Variants in SCIN observed in about 807,000 individuals in gnomAD.
The protein encoded by SCIN is adseverin.
SCIN carries 91 observed loss-of-function variants against 91.8 expected under a neutral mutation model. The observed-to-expected ratio is 0.99, with a 90% CI of 0.84 to 1.18. The LOEUF (loss-of-function observed/expected upper bound fraction) is 1.18, where lower values mean the gene tolerates loss of function less well. Among genes scored for constraint, SCIN ranks in the 50% most tolerant of loss-of-function variants. The probability of loss-of-function intolerance (pLI) is 0.00; values close to 1 mark genes in which losing one functional copy is unlikely to be tolerated. For synonymous variants in SCIN, 367 were observed against 312.6 expected (o/e 1.17, Z -1.84); for missense variants, 1,087 against 863.9 (o/e 1.26, Z -3.24).
At chr7:12,585,637 C>G (rs1044988905) in intron 3 of SCIN, among the ~76,000 whole-genome samples, 2 of 152,204 alleles carry the variant, frequency 1.3e-5, no homozygotes, top group African/African-American at 4.8e-5. Flanking sequence ...ACCACTCACT[C>G]AGGATTTCAA....
chr7:12,578,842 T>A (rs1215630464), intron 2 of SCIN, among the ~76,000 whole-genome samples: 1 of 150,408 alleles, frequency 6.6e-6, no homozygotes, highest in African/African-American at 2.5e-5. Flanking sequence ...GCTTTACTTC[T>A]GAAAATAAAC....
Position 12,657,317 on chromosome 7 carries a change from A to G in SCIN, c.*4602A>G, listed in dbSNP as rs1043693073. The G allele has an allele frequency of 1.1e-4, 16 of 144,730 alleles. No homozygotes were observed. Among genetic ancestry groups the G allele is most frequent in the African/African-American group, 4.0e-4 (16 of 39,592 alleles). The allele number at this position is 144,730 out of a possible 1,614,324, so 9.0% of individuals were successfully genotyped here. A position where few individuals can be genotyped will look rare whatever the true frequency, so the allele number is the denominator to read the frequency against. ...CTGCAATCTCTGCCTCCTGGGTTCAAGCAATCCTCCCACCTCAGTCTCCCC... is the reference window on the plus strand; with the variant it reads ...CTGCAATCTCTGCCTCCTGGGTTCAGGCAATCCTCCCACCTCAGTCTCCCC... On this transcript the variant is annotated 3_prime_UTR_variant, in exon 16 of 16. Coordinates refer to ENST00000297029, the MANE Select transcript of SCIN (RefSeq NM_001112706.3).
In SCIN at chr7:12,581,091, T is replaced by G. The variant is rs750207463; in HGVS notation, c.386T>G (p.Val129Gly). 5.2e-5 allele frequency: 81 copies of G among 1,551,214 alleles called. No homozygotes were observed. The highest frequency in any genetic ancestry group is 6.9e-5 in the Non-Finnish European group (79 of 1,146,758). ...AGGVASGLNH[V>G]LTNDLTAKRL... ...GGCGTGGCATCTGGATTAAATCATG[T>G]TCTTACGAACGACCTGACAGCCAAG... Residue 129 changes from valine to glycine, a missense_variant, in exon 3 of 16, where the codon GTT (valine) becomes GGT (glycine). Val to Gly is a moderately radical substitution (Grantham distance 109, BLOSUM62 -3). Transcript: ENST00000297029.
intron 4 of SCIN, among the ~76,000 whole-genome samples, chr7:12,606,906 T>G (rs1197592262): frequency 1.3e-5 from 2 of 152,240 alleles, no homozygotes; most frequent in Non-Finnish European, 2.9e-5. Context: ...AACAAATTCT[T>G]GATCTTTTAA....
At chr7:12,600,425 C>G (rs1782934765) in intron 3 of SCIN, among the ~76,000 whole-genome samples, 2 of 152,064 alleles carry the variant, frequency 1.3e-5, no homozygotes, top group African/African-American at 4.8e-5. Flanking sequence ...ATGGGAGCAC[C>G]AAAATCTCAG....
chr7:12,622,534 A>G (rs780824563), intron 4 of SCIN, among the ~76,000 whole-genome samples: 15 of 152,084 alleles, frequency 9.9e-5, no homozygotes, highest in Non-Finnish European at 1.3e-4. Context: ...ATGGACACCT[A>G]GGCTCTCAAA....
chr7:12,612,313 G>A lies in SCIN; in HGVS notation c.666+7650G>A, dbSNP rs137986084. Among the ~76,000 whole-genome samples the A allele has an allele frequency of 3.3e-5, 5 of 152,210 alleles. No individual in the cohort carries two copies. In the East Asian group the frequency reaches 9.7e-4, roughly 29 times the overall value. Reference sequence around the variant, plus strand: ...TATGAGAGTCATTGGGAAAGAGGAGGTCCATTTACCGACTTACCATTCAAA... The same window carrying A: ...TATGAGAGTCATTGGGAAAGAGGAGATCCATTTACCGACTTACCATTCAAA... On this transcript the variant is annotated intron_variant, in intron 4 of 15. Transcript: ENST00000297029.
At chr7:12,637,861 A>G (rs1375014812) in intron 10 of SCIN, among the ~76,000 whole-genome samples, 1 of 78,824 alleles carries the variant, frequency 1.3e-5, no homozygotes, top group Non-Finnish European at 3.6e-5. Context: ...CTATCTAGAG[A>G]CAGATTAAGA....
In SCIN at chr7:12,629,107, C is replaced by A; in HGVS notation, c.1204C>A (p.Arg402Ser). 1 of 1,609,994 alleles carries A rather than the reference C, an allele frequency of 6.2e-7. No homozygotes were observed. The highest frequency in any genetic ancestry group is 8.5e-7 in the Non-Finnish European group (1 of 1,177,736). The change falls in exon 9 of 16, where the codon CGT becomes AGT. Residue 402 changes from arginine (R) to serine (S), a missense_variant. By Grantham distance (110) the Arg-to-Ser change is moderately radical (BLOSUM62 -1). Coordinates refer to ENST00000297029, the MANE Select transcript of SCIN (RefSeq NM_001112706.3). ...DDGSGKVEIW[R>S]VENNGRIQVD... ...TATATTCCATTCCTTCCAGATTTGG[C>A]GTGTAGAAAACAATGGTAGGATCCA...
chr7:12,652,819 T>C lies in SCIN; in HGVS notation c.*104T>C. Reference sequence around the variant, plus strand: ...TTTTGCTTATTTGTCTTTTGAAAATTAAGGCTGGGCGCGGTGGCTCACACC... The same window carrying C: ...TTTTGCTTATTTGTCTTTTGAAAATCAAGGCTGGGCGCGGTGGCTCACACC... On this transcript the variant is annotated 3_prime_UTR_variant, in exon 16 of 16. Transcript: ENST00000297029. 1 of 1,455,084 alleles carries C rather than the reference T, an allele frequency of 6.9e-7. No individual in the cohort carries two copies. The highest frequency in any genetic ancestry group is 9.3e-7 in the Non-Finnish European group (1 of 1,079,500). The allele number at this position is 1,455,084 out of a possible 1,614,324, so 90.1% of individuals were successfully genotyped here. A position where few individuals can be genotyped will look rare whatever the true frequency, so the allele number is the denominator to read the frequency against.
At chr7:12,581,285 T>A in intron 3 of SCIN, 64 bp downstream of exon 3, 1 of 1,452,718 alleles carries the variant, frequency 6.9e-7, no homozygotes, top group Non-Finnish European at 9.3e-7. Flanking sequence ...TCAAATCATA[T>A]GTACATGTCA....
intron 4 of SCIN, among the ~76,000 whole-genome samples, chr7:12,614,285 C>A (rs1655530735): frequency 6.6e-6 from 1 of 152,098 alleles, no homozygotes; most frequent in Non-Finnish European, 1.5e-5. Flanking sequence ...CATACAAGTG[C>A]TTCTTCTTAT....
intron 13 of SCIN, among the ~76,000 whole-genome samples, chr7:12,645,286 C>A (rs1267063066): frequency 6.6e-6 from 1 of 151,980 alleles, no homozygotes; most frequent in Non-Finnish European, 1.5e-5. Flanking sequence ...GCCACTGGCA[C>A]CACTGTGTTC....
chr7:12,625,274 C>T, intron 6 of SCIN, 132 bp downstream of exon 6: 1 of 788,874 alleles, frequency 1.3e-6, no homozygotes, highest in Non-Finnish European at 1.9e-6. Flanking sequence ...AAATGTCTCA[C>T]ATAAAATGCA....
chr7:12,633,925 G>C (rs1255483091), intron 9 of SCIN, among the ~76,000 whole-genome samples: 1 of 151,574 alleles, frequency 6.6e-6, no homozygotes, highest in South Asian at 2.1e-4. Flanking sequence ...CCTTTATTAG[G>C]GAAAGCATTT....
chr7:12,631,895 T>C (rs997787426), intron 9 of SCIN, among the ~76,000 whole-genome samples: 12 of 152,254 alleles, frequency 7.9e-5, no homozygotes, highest in African/African-American at 2.9e-4. Context: ...AGGAAAATAG[T>C]GTGCTCCAAT....
intron 2 of SCIN, among the ~76,000 whole-genome samples, chr7:12,579,476 C>A (rs116023225): frequency 0.011 from 1,615 of 152,232 alleles, 19 homozygotes; most frequent in African/African-American, 0.026. Context: ...TGCTGTGACA[C>A]CATCATAGTT....
At chr7:12,649,032 G>C (rs1343767326) in intron 13 of SCIN, among the ~76,000 whole-genome samples, 1 of 152,120 alleles carries the variant, frequency 6.6e-6, no homozygotes, top group Admixed American at 6.6e-5. Context: ...TACATTCCAA[G>C]GAAGAGTACT....
intron 3 of SCIN, among the ~76,000 whole-genome samples, chr7:12,586,542 A>T (rs1048884048): frequency 6.6e-6 from 1 of 152,188 alleles, no homozygotes; most frequent in African/African-American, 2.4e-5. Flanking sequence ...AAAAAATAAA[A>T]ATAGAACTAC....
Sources: allele counts gnomAD v4.1 joint callset (sites outside exome capture counted in the v4.1 genomes callset), GRCh38; gene constraint gnomAD v4.1.1; transcripts MANE v1.5; gene names NCBI Gene and HGNC (gene_info 2026-07-23, HGNC 2026-07-21).